The following LMNB1 variants were observed in gnomAD, a reference collection of about 807,000 sequenced individuals.
LMNB1 encodes the protein lamin B1, also known as lamin-B1.
Under a neutral mutation model 67.1 loss-of-function variants are expected in LMNB1, and 23 were observed. That is an observed-to-expected ratio of 0.34 (90% CI 0.25 to 0.49). LMNB1 has a LOEUF of 0.49. LMNB1 is among the 20% of genes least tolerant of loss of function. LMNB1 has a pLI of 0.99. For synonymous variants in LMNB1, 281 were observed against 282.9 expected (o/e 0.99, Z 0.07); for missense variants, 634 against 746.5 (o/e 0.85, Z 1.76).
At chr5:126,781,802 T>C (rs769039147) in intron 1 of LMNB1, among the ~76,000 whole-genome samples, 2 of 152,200 alleles carry the variant, frequency 1.3e-5, no homozygotes, top group Non-Finnish European at 2.9e-5. Context: ...TAGGTAGATT[T>C]AGATTAAGAA....
chr5:126,788,466 G>A (rs990045881), intron 1 of LMNB1, among the ~76,000 whole-genome samples: 11 of 152,034 alleles, frequency 7.2e-5, no homozygotes, highest in Non-Finnish European at 1.3e-4. Context: ...GCGAAACCCC[G>A]TTTCTACTAA....
chr5:126,781,425 C>A (rs1750630676), intron 1 of LMNB1, among the ~76,000 whole-genome samples: 1 of 151,980 alleles, frequency 6.6e-6, no homozygotes, highest in African/African-American at 2.4e-5. Context: ...TTTTCCAGAA[C>A]TTGGAAAGTA....
chr5:126,801,901 C>T (rs1194424359), intron 1 of LMNB1, among the ~76,000 whole-genome samples: 2 of 152,182 alleles, frequency 1.3e-5, no homozygotes, highest in African/African-American at 4.8e-5. Context: ...TTGTGTAATA[C>T]TGCATTTAAA....
At chr5:126,796,380 CAGA>C (rs1184565123) in intron 1 of LMNB1, among the ~76,000 whole-genome samples, 5 of 152,212 alleles carry the variant, frequency 3.3e-5, no homozygotes, top group African/African-American at 9.6e-5. Flanking sequence ...GTCATCCTCA[CAGA>C]AGGACTAGTG....
chr5:126,827,131 G>A (rs575243716), intron 9 of LMNB1, among the ~76,000 whole-genome samples: 1 of 151,954 alleles, frequency 6.6e-6, no homozygotes, highest in African/African-American at 2.4e-5. Context: ...GAGATATATA[G>A]GGGGAATGTT....
chr5:126,829,443 G>A (rs1054738256), intron 9 of LMNB1, among the ~76,000 whole-genome samples: 10 of 151,624 alleles, frequency 6.6e-5, no homozygotes, highest in African/African-American at 2.4e-4. Flanking sequence ...AACGTGGTCC[G>A]GTACTACTGA....
At chr5:126,804,675 T>G (rs1044724938) in intron 1 of LMNB1, 101 bp from the exon 2 acceptor site, 14 of 1,087,822 alleles carry the variant, frequency 1.3e-5, no homozygotes, top group South Asian at 1.8e-5. Context: ...ATGGGAGCCT[T>G]TATTTAAACT....
rs149759920 is a variant in LMNB1, at chr5:126,806,602, A to AAG, written c.642+922_642+923dup. The stretch of plus-strand genomic sequence containing the variant: ...GCCCCCCTAAGGGTCAGTGATGAGA[A>AAG]AGAGAGAGAGAGAGAGAAAGAAACA... On this transcript the variant is annotated intron_variant, in intron 3 of 10. Transcript: ENST00000261366. Among the ~76,000 whole-genome samples, 588 of 150,844 alleles carry AAG rather than the reference A, an allele frequency of 3.9e-3. 4 individuals carry two copies. Among genetic ancestry groups the AAG allele is most frequent in the African/African-American group, 0.012 (513 of 41,194 alleles).
chr5:126,809,668 C>T (rs1751536317), intron 3 of LMNB1, among the ~76,000 whole-genome samples: 1 of 151,992 alleles, frequency 6.6e-6, no homozygotes, highest in African/African-American at 2.4e-5. Flanking sequence ...GCCTGGGCGA[C>T]AGAGTGATAC....
In LMNB1 at chr5:126,804,867, A is replaced by G. The variant is rs1451129359; in HGVS notation, c.451A>G (p.Thr151Ala). 7.4e-6 allele frequency: 12 copies of G among 1,614,140 alleles called. No individual in the cohort carries two copies. Among genetic ancestry groups the G allele is most frequent in the Admixed American group, 1.7e-5 (1 of 60,030 alleles). ...ALNSKDAALA[T>A]ALGDKKSLEG... ...GAATTCGAAAGATGCAGCTCTTGCTACTGCACTTGGTGACAAAAAAAGTTT... is the reference window on the plus strand; with the variant it reads ...GAATTCGAAAGATGCAGCTCTTGCTGCTGCACTTGGTGACAAAAAAAGTTT... Residue 151 changes from threonine to alanine, a missense_variant, in exon 2 of 11, where the codon ACT becomes GCT. Physicochemically the swap from Thr to Ala is moderately conservative, Grantham distance 58. Transcript: ENST00000261366.
At chr5:126,832,386 G>A (rs1752156799) in intron 9 of LMNB1, among the ~76,000 whole-genome samples, 1 of 151,718 alleles carries the variant, frequency 6.6e-6, no homozygotes, top group African/African-American at 2.4e-5. Flanking sequence ...TCGGCTCACT[G>A]CAACCTCAAT....
At chr5:126,832,673 T>G (rs1752163407) in intron 9 of LMNB1, 21 bp from the exon 10 acceptor site, 2 of 1,557,218 alleles carry the variant, frequency 1.3e-6, no homozygotes, top group Non-Finnish European at 1.8e-6. Flanking sequence ...GTTTTTTAAC[T>G]TAAACTACTA....
chr5:126,790,863 G>A (rs887254963), intron 1 of LMNB1, among the ~76,000 whole-genome samples: 3 of 151,752 alleles, frequency 2.0e-5, no homozygotes, highest in African/African-American at 7.3e-5. Context: ...TCTACTAAAA[G>A]TACAAAAAAT....
chr5:126,779,727 G>T (rs1163529485), intron 1 of LMNB1, among the ~76,000 whole-genome samples: 9 of 151,680 alleles, frequency 5.9e-5, no homozygotes, highest in Admixed American at 2.6e-4. Flanking sequence ...GTGAAACCCC[G>T]TCTCTACTAA....
intron 10 of LMNB1, among the ~76,000 whole-genome samples, chr5:126,834,605 G>A (rs1371105101): frequency 6.6e-6 from 1 of 152,232 alleles, no homozygotes. Flanking sequence ...GAATGTGGCC[G>A]GGCACGGTGG....
chr5:126,825,715 G>T (rs1440636990), intron 8 of LMNB1, among the ~76,000 whole-genome samples: 1 of 152,168 alleles, frequency 6.6e-6, no homozygotes, highest in African/African-American at 2.4e-5. Context: ...AACTTGCTCA[G>T]GGTCAGCTGG....
At chr5:126,795,595 G>T (rs1167125134) in intron 1 of LMNB1, among the ~76,000 whole-genome samples, 1 of 151,984 alleles carries the variant, frequency 6.6e-6, no homozygotes, top group Non-Finnish European at 1.5e-5. Context: ...ATTTTCCAGC[G>T]ATTCTGTGAT....
At chr5:126,789,139 G>A (rs1290868345) in intron 1 of LMNB1, among the ~76,000 whole-genome samples, 2 of 151,898 alleles carry the variant, frequency 1.3e-5, no homozygotes, top group African/African-American at 2.4e-5. Context: ...CGCCTGCCTC[G>A]GCCTCTCAAA....
intron 3 of LMNB1, among the ~76,000 whole-genome samples, chr5:126,807,006 T>C (rs535668776): frequency 6.6e-6 from 1 of 152,298 alleles, no homozygotes; most frequent in East Asian, 1.9e-4. Context: ...CTCAATCTCC[T>C]GACCTTGTGA....
Sources: allele counts gnomAD v4.1 joint callset (sites outside exome capture counted in the v4.1 genomes callset), GRCh38; gene constraint gnomAD v4.1.1; transcripts MANE v1.5; gene names NCBI Gene and HGNC (gene_info 2026-07-23, HGNC 2026-07-21).